BDP1: variants seen among roughly 807,000 people sequenced by gnomAD.
BDP1 encodes the protein BDP1 general transcription factor IIIB subunit, also known as transcription factor TFIIIB component B'' homolog.
Under a neutral mutation model 266.6 loss-of-function variants are expected in BDP1, and 169 were observed. The observed-to-expected ratio is 0.63, with a 90% CI of 0.56 to 0.72. BDP1 has a LOEUF of 0.72. Among genes scored for constraint, BDP1 ranks in the 30% least tolerant of loss-of-function variants. The pLI is 0.00. For synonymous variants in BDP1, 1,090 were observed against 1,022.4 expected (o/e 1.07, Z -1.26); for missense variants, 3,015 against 3,053.8 (o/e 0.99, Z 0.30).
chr5:71,487,689 G>A (rs987518114), intron 9 of BDP1, among the ~76,000 whole-genome samples: 2 of 152,298 alleles, frequency 1.3e-5, no homozygotes, highest in East Asian at 1.9e-4. Context: ...GACCACCACC[G>A]GGGTTCGATT....
At chr5:71,574,165 A>G in the BDP1 span, among the ~76,000 whole-genome samples, 1 of 152,224 alleles carries the variant, frequency 6.6e-6, no homozygotes, top group African/African-American at 2.4e-5. Flanking sequence ...GTCAGACCCT[A>G]AAATGGGAAA....
At chr5:71,550,988 G>A (rs1389306329) in intron 34 of BDP1, among the ~76,000 whole-genome samples, 2 of 152,202 alleles carry the variant, frequency 1.3e-5, no homozygotes, top group Non-Finnish European at 2.9e-5. Context: ...TTACAGACGT[G>A]AGCCACTGCG....
chr5:71,550,354 CTAG>C (rs1266528479), intron 34 of BDP1, among the ~76,000 whole-genome samples: 4 of 151,962 alleles, frequency 2.6e-5, no homozygotes, highest in African/African-American at 9.7e-5. Context: ...CCACTGCACT[CTAG>C]CCTGGGTGAT....
chr5:71,456,132 T>C (rs1761170185), intron 1 of BDP1, 43 bp downstream of exon 1: 2 of 1,556,960 alleles, frequency 1.3e-6, no homozygotes, highest in Non-Finnish European at 1.8e-6. Context: ...GTCCCGCCTC[T>C]CCGGGCATGT....
rs145436810 is a variant in BDP1, at chr5:71,520,668, G to C, written c.4992-1621G>C. On this transcript the variant is annotated intron_variant, in intron 22 of 38. Coordinates refer to ENST00000358731, the MANE Select transcript of BDP1 (RefSeq NM_018429.3). Reference sequence around the variant, plus strand: ...TTATTCCACAAACATTTTAGTGTCTGCTGTGTGCCAGGCATTGTTCTAAGT... The same window carrying C: ...TTATTCCACAAACATTTTAGTGTCTCCTGTGTGCCAGGCATTGTTCTAAGT... 1.2e-4 allele frequency among the ~76,000 whole-genome samples: 18 copies of C among 149,762 alleles called. 2 individuals carry two copies. Among genetic ancestry groups the C allele is most frequent in the African/African-American group, 4.1e-4 (16 of 39,212 alleles).
At chr5:71,503,899 A>G (rs1764410230) in intron 15 of BDP1, among the ~76,000 whole-genome samples, 1 of 151,856 alleles carries the variant, frequency 6.6e-6, no homozygotes, top group Admixed American at 6.6e-5. Flanking sequence ...TGAGCCCAGG[A>G]GTTCAAGCCT....
At chr5:71,480,784 G>A (rs1345626490) in intron 7 of BDP1, among the ~76,000 whole-genome samples, 2 of 152,110 alleles carry the variant, frequency 1.3e-5, no homozygotes, top group African/African-American at 2.4e-5. Context: ...GGCTGGTCTC[G>A]AACTCCTGAC....
At chr5:71,562,040 C>T (rs750809947) in intron 37 of BDP1, among the ~76,000 whole-genome samples, 4 of 151,650 alleles carry the variant, frequency 2.6e-5, no homozygotes, top group Non-Finnish European at 5.9e-5. Context: ...GTCAGGAGTT[C>T]GAGACCAGCC....
chr5:71,561,038 G>T, intron 37 of BDP1, among the ~76,000 whole-genome samples: 1 of 152,124 alleles, frequency 6.6e-6, no homozygotes, highest in South Asian at 2.1e-4. Context: ...ATTGCAGTGA[G>T]CTATGATTGT....
At chr5:71,467,205 G>T in intron 5 of BDP1, 149 bp from the exon 6 acceptor site, 1 of 640,532 alleles carries the variant, frequency 1.6e-6, no homozygotes, top group Non-Finnish European at 2.6e-6. Flanking sequence ...CTTAGCAGAT[G>T]CTTGGAAAAT....
At chr5:71,535,184 AC>A (rs1162416422) in intron 26 of BDP1, among the ~76,000 whole-genome samples, 1 of 151,576 alleles carries the variant, frequency 6.6e-6, no homozygotes, top group African/African-American at 2.4e-5. Context: ...GTCCTGATAA[AC>A]CCATCATAAA....
chr5:71,569,750 A>G (rs1744204193), downstream of BDP1, among the ~76,000 whole-genome samples: 1 of 152,116 alleles, frequency 6.6e-6, no homozygotes, highest in Non-Finnish European at 1.5e-5. Context: ...GTCTCAAAAT[A>G]ATTAGAAAAC....
At chr5:71,494,515 T>A (rs1214135690) in intron 11 of BDP1, 2 of 152,234 alleles carry the variant, frequency 1.3e-5, no homozygotes, top group Non-Finnish European at 2.9e-5. Context: ...TTTAATATAG[T>A]AGTTCTCACT....
intron 4 of BDP1, among the ~76,000 whole-genome samples, chr5:71,464,356 A>T (rs1446838644): frequency 1.3e-5 from 2 of 151,776 alleles, no homozygotes; most frequent in Non-Finnish European, 2.9e-5. Flanking sequence ...TAAGCTGTGC[A>T]TGGTGGTGTG....
chr5:71,526,144 G>T lies in BDP1; in HGVS notation c.5772+1821G>T, dbSNP rs376994846. On this transcript the variant is annotated intron_variant, in intron 25 of 38. Transcript: ENST00000358731. ...ATCACGCCACTGCACTCCAGCCTGG[G>T]CACCATTGAGCACTGAGTGAACGCA... is the stretch of plus-strand genomic sequence containing the variant. Among the ~76,000 whole-genome samples, 170 of 152,302 alleles carry T rather than the reference G, an allele frequency of 1.1e-3. 1 individual carries two copies. The East Asian group carries it at 0.027, about 24-fold the overall frequency.
intron 8 of BDP1, among the ~76,000 whole-genome samples, chr5:71,485,081 G>A (rs1198963729): frequency 1.3e-5 from 2 of 152,118 alleles, no homozygotes; most frequent in Non-Finnish European, 2.9e-5. Flanking sequence ...AAAATAATTC[G>A]TAAATCTATA....
At chr5:71,486,689 C>T (rs1763285070) in intron 9 of BDP1, 62 bp downstream of exon 9, 5 of 1,349,928 alleles carry the variant, frequency 3.7e-6, no homozygotes, top group Non-Finnish European at 3.9e-6. Flanking sequence ...CAATATTGTC[C>T]CTCAGGCCTT....
chr5:71,467,245 C>T (rs756544917), intron 5 of BDP1, 109 bp from the exon 6 acceptor site: 7 of 883,900 alleles, frequency 7.9e-6, no homozygotes, highest in Admixed American at 2.4e-5. Context: ...ATTATTATGC[C>T]TTTGATATGA....
Position 71,461,832 on chromosome 5 carries a change from A to T in BDP1, c.505A>T (p.Lys169Ter). 6.3e-7 allele frequency: 1 copy of T among 1,597,914 alleles called. No individual in the cohort carries two copies. Among genetic ancestry groups the T allele is most frequent in the Non-Finnish European group, 8.5e-7 (1 of 1,170,060 alleles). ...LRKEKKQWKN[K>*]YAINESQRPP... ...ATGTATACAGAAACAATGGAAAAAC[A>T]AATATGCTATAAATGAAAGTCAGAG... Residue 169 changes from lysine to a stop codon, truncating the protein, a stop_gained, in exon 3 of 39, where the codon AAA (lysine) becomes TAA (stop). Transcript: ENST00000358731. LOFTEE classifies it high-confidence loss of function.
Sources: gnomAD v4.1 joint callset for allele counts (sites outside exome capture counted in the v4.1 genomes callset) on GRCh38, gnomAD v4.1.1 for gene constraint, MANE v1.5 for transcripts, NCBI Gene and HGNC (gene_info 2026-07-23, HGNC 2026-07-21) for gene names.